PIK3C3: variants seen among roughly 807,000 people sequenced by gnomAD.
The protein encoded by PIK3C3 is PI3-kinase type 3.
A neutral mutation model predicts 126.1 loss-of-function variants in PIK3C3; 95 were observed. That is an observed-to-expected ratio of 0.75 (90% CI 0.64 to 0.89). PIK3C3 has a LOEUF of 0.89. PIK3C3 is among the 40% of genes least tolerant of loss of function. The pLI, the probability that PIK3C3 is intolerant of heterozygous loss-of-function variation, is 0.00. For synonymous variants in PIK3C3, 374 were observed against 360.0 expected, an observed-to-expected ratio of 1.04 and a Z score of -0.44; for missense variants, 829 against 1,063.2, an observed-to-expected ratio of 0.78 and a Z score of 3.06.
chr18:42,081,102 A>G, intron 24 of PIK3C3, 21 bp from the exon 25 acceptor site: 2 of 1,393,610 alleles, frequency 1.4e-6, no homozygotes, highest in Non-Finnish European at 1.0e-6. Flanking sequence ...TTTTCTGTTT[A>G]TTTCTTTTTA....
Position 42,004,218 on chromosome 18 carries a change from C to T in PIK3C3, c.985-138C>T, listed in dbSNP as rs1472910652. The T allele has an allele frequency of 1.3e-5, 8 of 624,520 alleles. No homozygotes were observed. In the East Asian group the frequency reaches 2.2e-4, roughly 17 times the overall value. 38.7% of individuals were successfully genotyped at this position (624,520 alleles called of 1,614,324 possible). ...TGCTTCTATAAGATCATATATATAA[C>T]TTCATTTAGTGCTTACACAAGGAGT... On this transcript the variant is annotated intron_variant, in intron 9 of 24. Transcript: ENST00000262039.
intron 24 of PIK3C3, among the ~76,000 whole-genome samples, chr18:42,077,841 G>A (rs1986086768): frequency 6.6e-6 from 1 of 152,170 alleles, no homozygotes; most frequent in Non-Finnish European, 1.5e-5. Flanking sequence ...AGATCCATCA[G>A]AGGAATTACT....
chr18:42,002,660 G>A (rs971733509), intron 9 of PIK3C3, among the ~76,000 whole-genome samples: 2 of 152,132 alleles, frequency 1.3e-5, no homozygotes, highest in East Asian at 1.9e-4. Context: ...TAAATATTGG[G>A]TCTCTTTTTG....
intron 4 of PIK3C3, among the ~76,000 whole-genome samples, chr18:41,984,688 G>A (rs1487960210): frequency 6.6e-6 from 1 of 152,050 alleles, no homozygotes; most frequent in Non-Finnish European, 1.5e-5. Context: ...AGCTGACTTT[G>A]CCATCTCTAA....
intron 13 of PIK3C3, among the ~76,000 whole-genome samples, chr18:42,023,126 C>T (rs973199260): frequency 2.2e-4 from 33 of 151,962 alleles, no homozygotes; most frequent in African/African-American, 7.5e-4. Flanking sequence ...ATTTTTGTTT[C>T]CTTGCAATAT....
chr18:41,962,630 C>G lies in PIK3C3; in HGVS notation c.399C>G (p.Tyr133Ter). ...GGTTVSLFGKYGMFRQGMHDL... is the reference protein window; with the variant it reads ...GGTTVSLFGK Reference sequence around the variant, plus strand: ...CAACGGTTTCGCTCTTTGGAAAATACGGGTAAGCATTCTGTTGGTCTCATC... The same window carrying G: ...CAACGGTTTCGCTCTTTGGAAAATAGGGGTAAGCATTCTGTTGGTCTCATC... The change falls in exon 3 of 25, where the codon TAC becomes TAG. Residue 133 changes from tyrosine to a stop codon, truncating the protein, a stop_gained and splice_region_variant. Transcript: ENST00000262039. LOFTEE classifies it high-confidence loss of function. The G allele has an allele frequency of 6.2e-7, 1 of 1,608,928 alleles. No homozygotes were observed. Among genetic ancestry groups the G allele is most frequent in the Non-Finnish European group, 8.5e-7 (1 of 1,177,130 alleles).
At chr18:41,955,459 T>C (rs781386580) in intron 1 of PIK3C3, 100 bp downstream of exon 1, 34 of 1,019,666 alleles carry the variant, frequency 3.3e-5, no homozygotes, top group Middle Eastern at 6.1e-4. Flanking sequence ...GTGACTCGTC[T>C]CAAGGCCCAG....
intron 3 of PIK3C3, among the ~76,000 whole-genome samples, chr18:41,969,876 G>A (rs780973104): frequency 5.3e-5 from 8 of 152,194 alleles, no homozygotes; most frequent in Non-Finnish European, 1.2e-4. Context: ...TAGCACAGCT[G>A]TGATTCAAGT....
At chr18:41,978,964 G>C (rs1402983750) in intron 4 of PIK3C3, among the ~76,000 whole-genome samples, 2 of 149,578 alleles carry the variant, frequency 1.3e-5, no homozygotes, top group Non-Finnish European at 3.0e-5. Context: ...GTGTGCACCT[G>C]TAGTTTCAGC....
At chr18:41,973,144 C>T (rs1473142234) in intron 4 of PIK3C3, among the ~76,000 whole-genome samples, 1 of 152,016 alleles carries the variant, frequency 6.6e-6, no homozygotes, top group Non-Finnish European at 1.5e-5. Context: ...TAGTTATTAT[C>T]TTACTAGGGA....
chr18:42,012,094 G>A (rs1380463839), intron 10 of PIK3C3, among the ~76,000 whole-genome samples: 1 of 151,770 alleles, frequency 6.6e-6, no homozygotes, highest in Non-Finnish European at 1.5e-5. Context: ...ACTACAGTGT[G>A]ACACAAAGAC....
rs1012745169 is a variant in PIK3C3 at position 42,064,452 on chromosome 18, A to AAT, written c.2433-276_2433-275dup. ...TAGATCTTCCTCAGATCCCTTCTAAAATATATATATATACTTACTAAAAAA... is the reference window on the plus strand; with the variant it reads ...TAGATCTTCCTCAGATCCCTTCTAAAATATATATATATATACTTACTAAAAAA... On this transcript the variant is annotated intron_variant, in intron 22 of 24. Transcript: ENST00000262039. Among the ~76,000 whole-genome samples the AAT allele has an allele frequency of 7.2e-5, 11 of 151,988 alleles. No homozygotes were observed. The East Asian group carries it at 1.2e-3, about 16-fold the overall frequency.
chr18:42,001,666 T>C (rs1357397228), intron 9 of PIK3C3, among the ~76,000 whole-genome samples: 2 of 152,212 alleles, frequency 1.3e-5, no homozygotes, highest in Non-Finnish European at 2.9e-5. Flanking sequence ...CAGTGCCTTA[T>C]GTTTTTTGGC....
intron 15 of PIK3C3, 136 bp downstream of exon 15, chr18:42,029,577 C>G: frequency 2.0e-6 from 1 of 492,782 alleles, no homozygotes; most frequent in Non-Finnish European, 3.5e-6. Context: ...ATGTCTCACT[C>G]TGTCGCCCAG....
At chr18:42,075,964 G>A (rs1438325378) in intron 24 of PIK3C3, among the ~76,000 whole-genome samples, 6 of 148,668 alleles carry the variant, frequency 4.0e-5, no homozygotes, top group East Asian at 2.0e-4. Flanking sequence ...TAGATAACCC[G>A]TGTGCAGTTC....
chr18:42,058,841 C>T (rs1435898327), intron 22 of PIK3C3, among the ~76,000 whole-genome samples: 1 of 152,104 alleles, frequency 6.6e-6, no homozygotes, highest in African/African-American at 2.4e-5. Flanking sequence ...TATTTTCAGC[C>T]CAACTATGCA....
intron 20 of PIK3C3, among the ~76,000 whole-genome samples, chr18:42,047,559 C>A (rs1228663350): frequency 1.3e-5 from 2 of 152,134 alleles, no homozygotes; most frequent in Admixed American, 1.3e-4. Context: ...ACAGTATTGA[C>A]TTTACCTGGG....
intron 21 of PIK3C3, among the ~76,000 whole-genome samples, chr18:42,054,125 G>GGTAT (rs1984926552): frequency 4.7e-5 from 2 of 42,980 alleles, no homozygotes; most frequent in East Asian, 1.1e-3. Flanking sequence ...CAGAACTAAT[G>GGTAT]GTATATATAT....
intron 5 of PIK3C3, among the ~76,000 whole-genome samples, chr18:41,988,371 A>AC (rs1189295065): frequency 1.3e-5 from 2 of 152,102 alleles, no homozygotes; most frequent in Non-Finnish European, 2.9e-5. Context: ...TTTTTTCTTG[A>AC]CCTTGTATGT....
Sources: gnomAD v4.1 joint callset for allele counts (sites outside exome capture counted in the v4.1 genomes callset) on GRCh38, gnomAD v4.1.1 for gene constraint, MANE v1.5 for transcripts, NCBI Gene and HGNC (gene_info 2026-07-23, HGNC 2026-07-21) for gene names.